NCAM1: variants seen among roughly 807,000 people sequenced by gnomAD.
NCAM1 encodes antigen recognized by monoclonal antibody 5.1H11.
In NCAM1, 14 loss-of-function variants were observed where a neutral mutation model predicts 109.8. The observed-to-expected ratio is 0.13, with a 90% CI of 0.08 to 0.20. The LOEUF is 0.20. Among genes scored for constraint, NCAM1 ranks in the 10% least tolerant of loss-of-function variants. The pLI, the probability that NCAM1 is intolerant of heterozygous loss-of-function variation, is 1.00. For synonymous variants in NCAM1, 418 were observed against 442.9 expected (o/e 0.94, Z 0.70); for missense variants, 774 against 1,109.9 (o/e 0.70, Z 4.30).
intron 1 of NCAM1, among the ~76,000 whole-genome samples, chr11:113,025,930 A>C (rs1186079343): frequency 6.6e-6 from 1 of 152,144 alleles, no homozygotes; most frequent in Non-Finnish European, 1.5e-5. Context: ...TGCCCACCAC[A>C]CTATACATCT....
chr11:113,235,691 G>A (rs1376760145), intron 14 of NCAM1, among the ~76,000 whole-genome samples: 1 of 152,200 alleles, frequency 6.6e-6, no homozygotes, highest in Non-Finnish European at 1.5e-5. Flanking sequence ...AGGTAGCCCT[G>A]GCCTTGGCCT....
intron 17 of NCAM1, among the ~76,000 whole-genome samples, chr11:113,267,829 G>A (rs1004344424): frequency 6.6e-6 from 1 of 152,198 alleles, no homozygotes; most frequent in African/African-American, 2.4e-5. Flanking sequence ...TGTCCCAGCT[G>A]CTGTCCTCTC....
intron 1 of NCAM1, among the ~76,000 whole-genome samples, chr11:113,116,854 G>A (rs932214352): frequency 4.6e-5 from 7 of 151,822 alleles, no homozygotes; most frequent in African/African-American, 1.5e-4. Context: ...ATAAGATCTA[G>A]TATTATGACT....
intron 1 of NCAM1, among the ~76,000 whole-genome samples, chr11:113,194,437 GT>G (rs1474917567): frequency 6.6e-6 from 1 of 152,142 alleles, no homozygotes; most frequent in Non-Finnish European, 1.5e-5. Flanking sequence ...TTGCTGCATG[GT>G]TTTTGTGTAT....
intron 1 of NCAM1, among the ~76,000 whole-genome samples, chr11:113,021,295 A>G (rs1167953664): frequency 6.6e-6 from 1 of 152,208 alleles, no homozygotes; most frequent in East Asian, 1.9e-4. Flanking sequence ...CTAAGTTCTC[A>G]GACCACTTTT....
At chr11:113,059,886 A>T (rs2135475381) in intron 1 of NCAM1, among the ~76,000 whole-genome samples, 1 of 152,322 alleles carries the variant, frequency 6.6e-6, no homozygotes, top group African/African-American at 2.4e-5. Flanking sequence ...CACAACAGCA[A>T]GTGTTTAATA....
intron 14 of NCAM1, among the ~76,000 whole-genome samples, chr11:113,237,915 G>C (rs7119715): frequency 2.0e-5 from 1 of 49,540 alleles, no homozygotes; most frequent in African/African-American, 5.7e-5. Flanking sequence ...GATATATATA[G>C]ATATATAGAT....
At position 113,260,415 on chromosome 11, in the gene NCAM1, G is replaced by C. The variant is rs1945957399; in HGVS notation, c.2131+92G>C. 6 of 1,374,952 alleles carry C rather than the reference G, an allele frequency of 4.4e-6. No individual in the cohort carries two copies. In the East Asian group the frequency reaches 9.5e-5, roughly 22 times the overall value. The allele number at this position is 1,374,952 out of a possible 1,614,324, so 85.2% of individuals were successfully genotyped here. On this transcript the variant is annotated intron_variant, in intron 17 of 19. Transcript: ENST00000316851. ...TGCGCCTGAACAACCCTGACAACTTGCTTGCTTACAGCCATCCTCATGATT... is the reference window on the plus strand; with the variant it reads ...TGCGCCTGAACAACCCTGACAACTTCCTTGCTTACAGCCATCCTCATGATT...
intron 8 of NCAM1, among the ~76,000 whole-genome samples, 181 bp from the exon 9 acceptor site, chr11:113,221,115 C>T (rs961438993): frequency 1.3e-5 from 2 of 152,134 alleles, no homozygotes; most frequent in Admixed American, 6.6e-5. Flanking sequence ...AAAAGCTGGA[C>T]ATAAGCTAAA....
At chr11:113,247,855 T>A (rs1262223700) in intron 15 of NCAM1, among the ~76,000 whole-genome samples, 1 of 152,190 alleles carries the variant, frequency 6.6e-6, no homozygotes, top group Non-Finnish European at 1.5e-5. Flanking sequence ...ATTTTCATGA[T>A]TTCCCAAAGG....
intron 15 of NCAM1, among the ~76,000 whole-genome samples, chr11:113,251,027 C>T (rs1169403454): frequency 2.0e-5 from 3 of 152,188 alleles, no homozygotes; most frequent in African/African-American, 7.2e-5. Context: ...TCTTGAACTC[C>T]TGACCTCAGG....
intron 1 of NCAM1, among the ~76,000 whole-genome samples, chr11:113,008,000 A>G (rs1376733765): frequency 6.6e-6 from 1 of 152,216 alleles, no homozygotes; most frequent in Non-Finnish European, 1.5e-5. Context: ...AAAATAAAAA[A>G]ATTTGAAGTA....
At chr11:113,173,482 G>C (rs570840269) in intron 1 of NCAM1, among the ~76,000 whole-genome samples, 1 of 151,446 alleles carries the variant, frequency 6.6e-6, no homozygotes, top group African/African-American at 2.4e-5. Context: ...AGCTATGTGC[G>C]TGGTCTCTGC....
rs199893109 is a variant in NCAM1, at chr11:113,025,778, CGAGAGAGAGAGAGAGAGAGAGAGAGA to C, written c.52+64134_52+64159del. On this transcript the variant is annotated intron_variant, in intron 1 of 19. Coordinates refer to ENST00000316851, the MANE Select transcript of NCAM1 (RefSeq NM_181351.5). Reference sequence around the variant, plus strand: ...ATGAGATTGGAACGACACAGGGAGCCGAGAGAGAGAGAGAGAGAGAGAGAGAGAGAGAGAGAGAGAGAGAGGGAGAG... The same window carrying C: ...ATGAGATTGGAACGACACAGGGAGCCGAGAGAGAGAGAGAGAGAGGGAGAG... 1.6e-4 allele frequency among the ~76,000 whole-genome samples: 19 copies of C among 118,870 alleles called. No individual in the cohort carries two copies. In the East Asian group the frequency reaches 2.4e-3, roughly 15 times the overall value. 78.0% of individuals were successfully genotyped at this position (118,870 alleles called of 152,430 possible).
At chr11:113,021,485 G>T (rs1952383320) in intron 1 of NCAM1, among the ~76,000 whole-genome samples, 1 of 152,176 alleles carries the variant, frequency 6.6e-6, no homozygotes, top group South Asian at 2.1e-4. Context: ...TAGGAAAATG[G>T]TCTTAAGAGA....
Position 113,278,376 on chromosome 11 carries a change from A to T in NCAM1, c.*2989A>T, listed in dbSNP as rs1269420826. On this transcript the variant is annotated 3_prime_UTR_variant, in exon 20 of 20. Transcript: ENST00000316851. ...TGTAAATACTGAGTACTAACTGAGA[A>T]TTTTGACTTTGCATTCTGTCGGAAT... The T allele has an allele frequency of 2.6e-5, 4 of 152,194 alleles. No homozygotes were observed. The highest frequency in any genetic ancestry group is 2.1e-4 in the South Asian group (1 of 4,826). The allele number at this position is 152,194 out of a possible 1,614,324, so 9.4% of individuals were successfully genotyped here.
In NCAM1 at chr11:113,233,773, G is replaced by A. The variant is rs1478554801; in HGVS notation, c.1693+456G>A. ...AGTAACCAAATAAGCACAGCCAGCA[G>A]GACAAGTCTGCCCTTAAATCAGTCC... On this transcript the variant is annotated intron_variant, in intron 13 of 19. Transcript: ENST00000316851. The surrounding 1 kb of genome is among the most constrained non-coding windows in gnomAD (Gnocchi z 4.5). 6.6e-6 allele frequency among the ~76,000 whole-genome samples: 1 copy of A among 152,186 alleles called. No homozygotes were observed. Among genetic ancestry groups the A allele is most frequent in the Non-Finnish European group, 1.5e-5 (1 of 68,044 alleles).
intron 1 of NCAM1, among the ~76,000 whole-genome samples, chr11:113,120,514 C>G (rs1459621493): frequency 6.6e-6 from 1 of 152,156 alleles, no homozygotes; most frequent in African/African-American, 2.4e-5. Flanking sequence ...ATACCACAGG[C>G]CCCTCACAGT....
In NCAM1 at chr11:113,062,637, T is replaced by A. The variant is rs200009765; in HGVS notation, c.52+100973T>A. 5.3e-5 allele frequency among the ~76,000 whole-genome samples: 8 copies of A among 151,762 alleles called. No homozygotes were observed. The East Asian group carries it at 1.6e-3, about 30-fold the overall frequency. ...AGGGGTTTGCTACTTCACAGAGGGG[T>A]CAGGGACGACCTCTCCAAGGAGATG... On this transcript the variant is annotated intron_variant, in intron 1 of 19. Coordinates refer to ENST00000316851, the MANE Select transcript of NCAM1 (RefSeq NM_181351.5).
Sources: allele counts gnomAD v4.1 joint callset (sites outside exome capture counted in the v4.1 genomes callset), GRCh38; gene constraint gnomAD v4.1.1; non-coding constraint Gnocchi (gnomAD v3.1); transcripts MANE v1.5; gene names NCBI Gene and HGNC (gene_info 2026-07-23, HGNC 2026-07-21).